Variants in PTPRS observed in about 807,000 individuals in gnomAD.
PTPRS encodes the protein receptor-type tyrosine-protein phosphatase S.
Under a neutral mutation model 215.3 loss-of-function variants are expected in PTPRS, and 63 were observed. The ratio of observed to expected loss-of-function variants is 0.29; its 90% CI spans 0.24 to 0.36. The LOEUF is 0.36. Ranked by LOEUF, PTPRS falls within the 10% of genes least tolerant of loss-of-function variation. PTPRS has a pLI of 1.00. For synonymous variants in PTPRS, 1,404 were observed against 1,191.4 expected (o/e 1.18, Z -3.68); for missense variants, 2,258 against 2,825.8 (o/e 0.80, Z 4.56).
intron 14 of PTPRS, 22 bp from the exon 15 acceptor site, chr19:5,229,706 G>T: frequency 3.0e-6 from 3 of 1,010,840 alleles, no homozygotes; most frequent in Non-Finnish European, 3.8e-6. Context: ...GAGGGGAGGG[G>T]AGGGGCGGGC....
At position 5,223,153 on chromosome 19, in the gene PTPRS, G is replaced by T. The variant is rs1332317323; in HGVS notation, c.2639C>A (p.Thr880Asn). Residue 880 changes from threonine (T) to asparagine (N), a missense_variant, in exon 18 of 38, where the codon ACC becomes AAC. Physicochemically the swap from Thr to Asn is moderately conservative, Grantham distance 65. Transcript: ENST00000262963. ...GTCCTCGGAGGGCGGGAACTCCAGGGTGGCCAGGGGCGTCGAGTCCTCACG... is the reference window on the plus strand; with the variant it reads ...GTCCTCGGAGGGCGGGAACTCCAGGTTGGCCAGGGGCGTCGAGTCCTCACG... ...FGREDSTPLA[T>N]LEFPPSEDRY... The T allele has an allele frequency of 6.4e-7, 1 of 1,571,336 alleles. No homozygotes were observed. The highest frequency in any genetic ancestry group is 8.6e-7 in the Non-Finnish European group (1 of 1,158,522).
At chr19:5,331,127 T>TAAAAAAAAAA (rs1568622692) in intron 1 of PTPRS, among the ~76,000 whole-genome samples, 51 of 80,684 alleles carry the variant, frequency 6.3e-4, no homozygotes, top group African/African-American at 2.3e-3. Flanking sequence ...GCTTCTTTTT[T>TAAAAAAAAAA]TAAAAAAAAA....
chr19:5,231,171 G>A (rs973358568), intron 14 of PTPRS, 139 bp downstream of exon 14: 3 of 915,928 alleles, frequency 3.3e-6, no homozygotes, highest in African/African-American at 1.7e-5. Flanking sequence ...GATTTCTCGG[G>A]GAGGCTGCTT....
intron 9 of PTPRS, among the ~76,000 whole-genome samples, chr19:5,252,115 C>G (rs559552468): frequency 3.0e-4 from 46 of 152,278 alleles, no homozygotes; most frequent in African/African-American, 1.1e-3. Context: ...GGACAGGTCA[C>G]AAATACTGAA....
Position 5,210,082 on chromosome 19 carries a change from C to T in PTPRS, c.5487+387G>A, listed in dbSNP as rs1417019340. ...ACCATCCATACTCATCTCTCCTCAC[C>T]CAACGGTGCCAGTCCCCACCATCTG... On this transcript the variant is annotated intron_variant, in intron 35 of 37. Transcript: ENST00000262963. The surrounding 1 kb of genome is among the most constrained non-coding windows in gnomAD (Gnocchi z 4.5). Among the ~76,000 whole-genome samples, 1 of 152,160 alleles carries T rather than the reference C, an allele frequency of 6.6e-6. No individual in the cohort carries two copies. Among genetic ancestry groups the T allele is most frequent in the Non-Finnish European group, 1.5e-5 (1 of 68,028 alleles).
intron 9 of PTPRS, among the ~76,000 whole-genome samples, chr19:5,248,776 G>T (rs2044738534): frequency 6.6e-6 from 1 of 152,224 alleles, no homozygotes; most frequent in Non-Finnish European, 1.5e-5. Context: ...AGCTGATGTG[G>T]CTGAATGAGC....
intron 1 of PTPRS, among the ~76,000 whole-genome samples, chr19:5,307,598 T>C (rs1301884391): frequency 6.6e-6 from 1 of 152,182 alleles, no homozygotes; most frequent in Non-Finnish European, 1.5e-5. Context: ...TCCAGCCGCC[T>C]ACTAAATGTT....
intron 4 of PTPRS, among the ~76,000 whole-genome samples, chr19:5,270,433 G>C (rs1348789207): frequency 6.6e-6 from 1 of 152,038 alleles, no homozygotes; most frequent in Non-Finnish European, 1.5e-5. Flanking sequence ...TGGGACTATA[G>C]GCAGGCCCCA....
At chr19:5,331,600 G>A (rs1279885920) in intron 1 of PTPRS, among the ~76,000 whole-genome samples, 1 of 152,100 alleles carries the variant, frequency 6.6e-6, no homozygotes. Flanking sequence ...CCCAGACGTT[G>A]CCAAGTGTGC....
At chr19:5,240,424 AG>A in intron 11 of PTPRS, 92 bp from the exon 12 acceptor site, 1 of 1,286,568 alleles carries the variant, frequency 7.8e-7, no homozygotes, top group Non-Finnish European at 1.0e-6. Context: ...AAAAGATGCC[AG>A]CTCTGGGTGC....
intron 1 of PTPRS, among the ~76,000 whole-genome samples, chr19:5,301,158 G>A (rs772034626): frequency 6.6e-6 from 1 of 152,338 alleles, no homozygotes; most frequent in East Asian, 1.9e-4. Flanking sequence ...GCCACAGCCG[G>A]AGTCAGCTCT....
In PTPRS at chr19:5,220,171, A is replaced by G. The variant is rs1344282422; in HGVS notation, c.3550-17T>C. Reference sequence around the variant, plus strand: ...CTGGATGAGCTGCGGGAACAGAGTCATGGGTGGCTCAGAGCTCAGCTGGGA... The same window carrying G: ...CTGGATGAGCTGCGGGAACAGAGTCGTGGGTGGCTCAGAGCTCAGCTGGGA... On this transcript the variant is annotated splice_polypyrimidine_tract_variant and intron_variant, in intron 21 of 37. Coordinates refer to ENST00000262963, the MANE Select transcript of PTPRS (RefSeq NM_002850.4). The G allele has an allele frequency of 1.2e-6, 2 of 1,610,114 alleles. No individual in the cohort carries two copies. The highest frequency in any genetic ancestry group is 4.5e-5 in the East Asian group (2 of 44,820).
At position 5,222,966 on chromosome 19, in the gene PTPRS, C is replaced by T. The variant is rs746083958; in HGVS notation, c.2826G>A (p.Ser942=). Residue 942 remains serine (S), a synonymous_variant, in exon 18 of 38, where the codon TCG becomes TCA. Coordinates refer to ENST00000262963, the MANE Select transcript of PTPRS (RefSeq NM_002850.4). ...GCCAGCGGAGAAGGACGGTCCCGGC[C>T]GAGGCGTTGCCGGCCGCCTCCAGAA... is the stretch of plus-strand genomic sequence containing the variant. ...PQILEAAGNA[S]AGTVLLRWLP... is the part of the protein sequence containing the mutation. 14 of 1,543,816 alleles carry T rather than the reference C, an allele frequency of 9.1e-6. No homozygotes were observed. Among genetic ancestry groups the T allele is most frequent in the African/African-American group, 5.5e-5 (4 of 72,736 alleles).
chr19:5,208,485 G>A (rs2040571177), intron 35 of PTPRS, 94 bp from the exon 36 acceptor site: 3 of 1,272,412 alleles, frequency 2.4e-6, no homozygotes, highest in Non-Finnish European at 3.1e-6. Flanking sequence ...TTTTTTGTTT[G>A]TTTGTTTGTT....
intron 9 of PTPRS, among the ~76,000 whole-genome samples, chr19:5,253,971 A>T (rs754812012): frequency 6.6e-6 from 1 of 152,168 alleles, no homozygotes; most frequent in Non-Finnish European, 1.5e-5. Flanking sequence ...TGGTCAAATG[A>T]CTAGTTCAAG....
chr19:5,255,559 A>G (rs2146203799), intron 9 of PTPRS, among the ~76,000 whole-genome samples: 1 of 152,128 alleles, frequency 6.6e-6, no homozygotes, highest in Middle Eastern at 3.4e-3. Context: ...TTTTCCCCCC[A>G]AAACGAAACA....
At chr19:5,242,905 G>A (rs1485195142) in intron 11 of PTPRS, among the ~76,000 whole-genome samples, 1 of 151,854 alleles carries the variant, frequency 6.6e-6, no homozygotes, top group Non-Finnish European at 1.5e-5. Flanking sequence ...TAGCTACATT[G>A]TCCAGGCTGG....
intron 9 of PTPRS, among the ~76,000 whole-genome samples, chr19:5,252,382 GC>G (rs771570680): frequency 2.0e-5 from 3 of 152,016 alleles, no homozygotes; most frequent in Non-Finnish European, 4.4e-5. Context: ...TTTGAGACCA[GC>G]CTGGCCAACA....
In PTPRS at chr19:5,327,016, T is replaced by C. The variant is rs560830574; in HGVS notation, c.-95+13648A>G. ...ACACCTGCTGAGGGTTCTGTCCACA[T>C]TGACGTGACTCAGTTTCCCCACTGA... On this transcript the variant is annotated intron_variant, in intron 1 of 37. Coordinates refer to ENST00000262963, the MANE Select transcript of PTPRS (RefSeq NM_002850.4). Among the ~76,000 whole-genome samples, 3 of 152,222 alleles carry C rather than the reference T, an allele frequency of 2.0e-5. No individual in the cohort carries two copies. The South Asian group carries it at 6.2e-4, about 32-fold the overall frequency.
Sources: gnomAD v4.1 joint callset for allele counts (sites outside exome capture counted in the v4.1 genomes callset) on GRCh38, gnomAD v4.1.1 for gene constraint, Gnocchi (gnomAD v3.1) non-coding constraint, MANE v1.5 for transcripts, NCBI Gene and HGNC (gene_info 2026-07-23, HGNC 2026-07-21) for gene names.